Variants in PTPRZ1 observed in about 807,000 individuals in gnomAD.
PTPRZ1 encodes the protein protein tyrosine phosphatase receptor type Z1, also known as receptor-type tyrosine-protein phosphatase zeta.
PTPRZ1 carries 82 observed loss-of-function variants against 214.1 expected under a neutral mutation model. That is an observed-to-expected ratio of 0.38 (90% CI 0.32 to 0.46). PTPRZ1 has a LOEUF of 0.46. Among genes scored for constraint, PTPRZ1 ranks in the 20% least tolerant of loss-of-function variants. The pLI, the probability that PTPRZ1 is intolerant of heterozygous loss-of-function variation, is 1.00. For synonymous variants in PTPRZ1, 945 were observed against 987.9 expected, an observed-to-expected ratio of 0.96 and a Z score of 0.81; for missense variants, 2,603 against 2,748.7, an observed-to-expected ratio of 0.95 and a Z score of 1.19.
At chr7:121,964,187 A>G (rs1469952851) in intron 2 of PTPRZ1, among the ~76,000 whole-genome samples, 2 of 152,212 alleles carry the variant, frequency 1.3e-5, no homozygotes, top group African/African-American at 4.8e-5. Context: ...CAGTTATTCA[A>G]CAAATGTTTA....
intron 1 of PTPRZ1, among the ~76,000 whole-genome samples, chr7:121,904,285 A>G (rs1259596090): frequency 6.6e-6 from 1 of 152,126 alleles, no homozygotes; most frequent in Non-Finnish European, 1.5e-5. Flanking sequence ...GCTGGCTGCC[A>G]ATCAAGGACA....
rs149001199 is a variant in PTPRZ1 at position 121,961,635 on chromosome 7, C to T, written c.125-6316C>T. 3.3e-4 allele frequency among the ~76,000 whole-genome samples: 50 copies of T among 152,264 alleles called. 1 individual carries two copies. Among genetic ancestry groups the T allele is most frequent in the East Asian group, 1.9e-4 (1 of 5,178 alleles). On this transcript the variant is annotated intron_variant, in intron 2 of 29. Coordinates refer to ENST00000393386, the MANE Select transcript of PTPRZ1 (RefSeq NM_002851.3). The stretch of plus-strand genomic sequence containing the variant: ...CGGAGCCTAGAATTGCTTTCCATTC[C>T]GCTTGGAATAGAGGATGCATACGTA...
intron 27 of PTPRZ1, among the ~76,000 whole-genome samples, chr7:122,057,621 G>A (rs1241967678): frequency 7.1e-6 from 1 of 140,514 alleles, no homozygotes; most frequent in East Asian, 2.1e-4. Context: ...TTTGGGATTT[G>A]AATTTTTTAC....
intron 2 of PTPRZ1, among the ~76,000 whole-genome samples, chr7:121,935,730 G>A (rs772203923): frequency 4.0e-5 from 6 of 151,822 alleles, no homozygotes; most frequent in African/African-American, 1.2e-4. Context: ...ACCACATCCC[G>A]GCTAATTTTT....
Position 122,034,374 on chromosome 7 carries a change from T to C in PTPRZ1, c.5280T>C (p.Val1760=), listed in dbSNP as rs754032368. The stretch of plus-strand genomic sequence containing the variant: ...ACAAGAATCGATACATAAATATCGT[T>C]GCCTGTAAGTATATTCTTAAATCAG... ...NKHKNRYINI[V]AYDHSRVKLA... is the part of the protein sequence containing the mutation. Residue 1760 remains valine, a synonymous_variant, in exon 17 of 30, where the codon GTT becomes GTC. Transcript: ENST00000393386. 3 of 1,611,980 alleles carry C rather than the reference T, an allele frequency of 1.9e-6. No individual in the cohort carries two copies. Among genetic ancestry groups the C allele is most frequent in the South Asian group, 1.1e-5 (1 of 90,912 alleles).
rs561562771 is a variant in PTPRZ1 at position 121,995,295 on chromosome 7, A to T, written c.929-1087A>T. 2.6e-5 allele frequency among the ~76,000 whole-genome samples: 4 copies of T among 152,270 alleles called. No individual in the cohort carries two copies. The East Asian group carries it at 7.7e-4, about 29-fold the overall frequency. ...TTACCTAAGTCTACTGCATGCTCTC[A>T]TTGAGTGGCTTTGTAACTTCAGGTG... is the stretch of plus-strand genomic sequence containing the variant. On this transcript the variant is annotated intron_variant, in intron 8 of 29. Coordinates refer to ENST00000393386, the MANE Select transcript of PTPRZ1 (RefSeq NM_002851.3).
intron 13 of PTPRZ1, among the ~76,000 whole-genome samples, chr7:122,024,267 T>G (rs978313335): frequency 6.6e-6 from 1 of 152,098 alleles, no homozygotes; most frequent in Non-Finnish European, 1.5e-5. Context: ...AGGCAAATTT[T>G]TGAAAGCTTT....
In PTPRZ1 at chr7:122,012,530, T is replaced by A. The variant is rs764299227; in HGVS notation, c.3484T>A (p.Ser1162Thr). Residue 1162 changes from serine to threonine, a missense_variant, in exon 12 of 30, where the codon TCT (serine) becomes ACT (threonine). Transcript: ENST00000393386. The stretch of plus-strand genomic sequence containing the variant: ...TGACCCTGCTTCTAGTGAAATGTTA[T>A]CTCCTTCAACTCAGCTCTTATTTTA... ...SSDPASSEML[S>T]PSTQLLFYET... 1.9e-6 allele frequency: 3 copies of A among 1,614,144 alleles called. No individual in the cohort carries two copies. The South Asian group carries it at 3.3e-5, about 18-fold the overall frequency.
At chr7:122,050,073 T>C (rs1398430292) in intron 23 of PTPRZ1, among the ~76,000 whole-genome samples, 5 of 152,166 alleles carry the variant, frequency 3.3e-5, no homozygotes, top group Non-Finnish European at 7.4e-5. Context: ...CCTCAAACAC[T>C]AAAATGTATT....
intron 14 of PTPRZ1, among the ~76,000 whole-genome samples, chr7:122,030,695 G>T (rs1393140444): frequency 6.6e-6 from 1 of 151,906 alleles, no homozygotes; most frequent in Non-Finnish European, 1.5e-5. Context: ...CTAGTGAAAT[G>T]TGTTTGATGT....
In PTPRZ1 at chr7:122,010,944, A is replaced by G. The variant is rs1028011154; in HGVS notation, c.1898A>G (p.Asp633Gly). 3 of 1,614,136 alleles carry G rather than the reference A, an allele frequency of 1.9e-6. No individual in the cohort carries two copies. The highest frequency in any genetic ancestry group is 2.5e-6 in the Non-Finnish European group (3 of 1,180,020). ...IPESARNASE[D>G]STSSGSEESL... The stretch of plus-strand genomic sequence containing the variant: ...GAATCTGCTAGAAATGCTTCCGAAG[A>G]TTCAACTTCATCAGGTTCAGAAGAA... The change falls in exon 12 of 30, where the codon GAT becomes GGT. Residue 633 changes from aspartate (D) to glycine (G), a missense_variant. Physicochemically the swap from Asp to Gly is moderately conservative, Grantham distance 94. Coordinates refer to ENST00000393386, the MANE Select transcript of PTPRZ1 (RefSeq NM_002851.3).
At chr7:121,917,530 T>G (rs912035623) in intron 1 of PTPRZ1, among the ~76,000 whole-genome samples, 1 of 152,164 alleles carries the variant, frequency 6.6e-6, no homozygotes, top group African/African-American at 2.4e-5. Flanking sequence ...ACGAAATTGC[T>G]TCACTATTGA....
At chr7:122,028,774 C>T in intron 14 of PTPRZ1, 131 bp downstream of exon 14, 1 of 639,000 alleles carries the variant, frequency 1.6e-6, no homozygotes, top group Non-Finnish European at 2.7e-6. Flanking sequence ...TGTGTTGCCC[C>T]AAATATTTAT....
intron 10 of PTPRZ1, among the ~76,000 whole-genome samples, chr7:122,003,015 T>A (rs1419691695): frequency 6.6e-6 from 1 of 152,184 alleles, no homozygotes; most frequent in Non-Finnish European, 1.5e-5. Flanking sequence ...ATAAGGAAGG[T>A]CATTTGTCTG....
chr7:122,048,528 C>A lies in PTPRZ1; in HGVS notation c.6085-2900C>A, dbSNP rs186177766. Among the ~76,000 whole-genome samples, 215 of 152,204 alleles carry A rather than the reference C, an allele frequency of 1.4e-3. 1 individual carries two copies. The highest frequency in any genetic ancestry group is 4.9e-3 in the African/African-American group (202 of 41,542). The stretch of plus-strand genomic sequence containing the variant: ...TTGTAACACAAAGAAAGGTTAAATG[C>A]TTGAGGTGATGGATGCCCCATTTAC... On this transcript the variant is annotated intron_variant, in intron 23 of 29. Transcript: ENST00000393386.
intron 10 of PTPRZ1, among the ~76,000 whole-genome samples, chr7:122,002,420 T>C (rs933312650): frequency 2.6e-5 from 4 of 152,202 alleles, no homozygotes; most frequent in Non-Finnish European, 2.9e-5. Flanking sequence ...AGAAAAAGTC[T>C]TGCTTTTATT....
intron 6 of PTPRZ1, among the ~76,000 whole-genome samples, chr7:121,982,663 C>A (rs899903334): frequency 6.6e-6 from 1 of 152,026 alleles, no homozygotes; most frequent in African/African-American, 2.4e-5. Flanking sequence ...ATTTTATTTT[C>A]TGTTGTTTGA....
At chr7:121,936,810 C>G (rs1238329373) in intron 2 of PTPRZ1, among the ~76,000 whole-genome samples, 5 of 152,228 alleles carry the variant, frequency 3.3e-5, no homozygotes, top group Admixed American at 2.6e-4. Flanking sequence ...GCTGTATCCT[C>G]TTTTGTCTTC....
chr7:121,954,180 G>GT (rs897269441), intron 2 of PTPRZ1, among the ~76,000 whole-genome samples: 21 of 152,026 alleles, frequency 1.4e-4, no homozygotes, highest in Non-Finnish European at 2.9e-5. Flanking sequence ...ATCTCCTTCA[G>GT]TTTTGTCTTC....
Sources: gnomAD v4.1 joint callset for allele counts (sites outside exome capture counted in the v4.1 genomes callset) on GRCh38, gnomAD v4.1.1 for gene constraint, MANE v1.5 for transcripts, NCBI Gene and HGNC (gene_info 2026-07-23, HGNC 2026-07-21) for gene names.